JAG2: variants seen among roughly 807,000 people sequenced by gnomAD.
JAG2 encodes protein jagged-2.
JAG2 carries 46 observed loss-of-function variants against 141.7 expected under a neutral mutation model. That is an observed-to-expected ratio of 0.32 (90% CI 0.26 to 0.42). The LOEUF (loss-of-function observed/expected upper bound fraction) is 0.42. Ranked by LOEUF, JAG2 falls within the 10% of genes least tolerant of loss-of-function variation. The pLI, the probability that JAG2 is intolerant of heterozygous loss-of-function variation, is 1.00. For synonymous variants in JAG2, 862 were observed against 763.5 expected, an observed-to-expected ratio of 1.13 and a Z score of -2.13; for missense variants, 1,500 against 1,817.5, an observed-to-expected ratio of 0.83 and a Z score of 3.18.
At chr14:105,153,616 G>A (rs587700966) in intron 5 of JAG2, among the ~76,000 whole-genome samples, 3 of 152,066 alleles carry the variant, frequency 2.0e-5, no homozygotes, top group African/African-American at 7.3e-5. Flanking sequence ...AGCATCCGGT[G>A]GGGGGGCGTC....
Sources: allele counts gnomAD v4.1 joint callset (sites outside exome capture counted in the v4.1 genomes callset), GRCh38; gene constraint gnomAD v4.1.1; transcripts MANE v1.5; gene names NCBI Gene and HGNC (gene_info 2026-07-23, HGNC 2026-07-21).